Variants in CRYBG3 observed in about 807,000 individuals in gnomAD.
The protein encoded by CRYBG3 is very large A-kinase anchor protein.
A neutral mutation model predicts 244.2 loss-of-function variants in CRYBG3; 127 were observed. That is an observed-to-expected ratio of 0.52 (90% confidence interval 0.45 to 0.60). CRYBG3 has a LOEUF of 0.60. Ranked by LOEUF, CRYBG3 falls within the 20% of genes least tolerant of loss-of-function variation. CRYBG3 has a pLI of 0.00. For synonymous variants in CRYBG3, 1,132 were observed against 1,195.8 expected (o/e 0.95, Z 1.10); for missense variants, 3,325 against 3,442.5 (o/e 0.97, Z 0.85).
intron 1 of CRYBG3, among the ~76,000 whole-genome samples, chr3:97,827,112 C>T (rs2038588230): frequency 3.3e-5 from 5 of 152,182 alleles, no homozygotes; most frequent in Admixed American, 1.3e-4. Context: ...TCAGGCTTTG[C>T]AAGTCCTGGA....
chr3:97,861,177 A>G (rs2039141860), intron 2 of CRYBG3, among the ~76,000 whole-genome samples: 1 of 152,264 alleles, frequency 6.6e-6, no homozygotes. Flanking sequence ...TTCATCAGCC[A>G]TATCCCTGCC....
chr3:97,825,560 A>C (rs73850189), intron 1 of CRYBG3, among the ~76,000 whole-genome samples: 1 of 152,200 alleles, frequency 6.6e-6, no homozygotes, highest in Non-Finnish European at 1.5e-5. Flanking sequence ...GATGGATGCT[A>C]TGGGCGTTTT....
At position 97,877,806 on chromosome 3, in the gene CRYBG3, T is replaced by A. The variant is rs777186582; in HGVS notation, c.6612T>A (p.Thr2204=). Residue 2204 remains threonine, a synonymous_variant, in exon 4 of 22, where the codon ACT becomes ACA. Coordinates refer to ENST00000389622, the MANE Select transcript of CRYBG3 (RefSeq NM_153605.4). The part of the protein sequence containing the change: ...KNSYVMPNEP[T]TSNLQVGLWP... ...CATATGTGATGCCAAATGAACCTAC[T>A]ACCTCCAATCTGCAAGTTGGTCTGT... 1 of 1,614,062 alleles carries A rather than the reference T, an allele frequency of 6.2e-7. No homozygotes were observed. The highest frequency in any genetic ancestry group is 1.1e-5 in the South Asian group (1 of 91,072).
chr3:97,938,363 AC>A (rs1314841470), intron 19 of CRYBG3, among the ~76,000 whole-genome samples: 1 of 152,072 alleles, frequency 6.6e-6, no homozygotes, highest in African/African-American at 2.4e-5. Flanking sequence ...TAAGATCAGC[AC>A]TTAGAGAGTA....
intron 17 of CRYBG3, among the ~76,000 whole-genome samples, chr3:97,918,612 A>G (rs1463357800): frequency 6.6e-6 from 1 of 152,194 alleles, no homozygotes; most frequent in African/African-American, 2.4e-5. Flanking sequence ...GAATAATATC[A>G]TGTATTAGCT....
chr3:97,890,976 A>C (rs2039569193), intron 10 of CRYBG3, among the ~76,000 whole-genome samples: 1 of 152,194 alleles, frequency 6.6e-6, no homozygotes, highest in Non-Finnish European at 1.5e-5. Flanking sequence ...CCTCAATTTG[A>C]ATCAAATATC....
chr3:97,827,801 G>A (rs1056653015), intron 1 of CRYBG3, among the ~76,000 whole-genome samples: 4 of 152,050 alleles, frequency 2.6e-5, no homozygotes, highest in African/African-American at 7.2e-5. Flanking sequence ...TCACAATATT[G>A]GTAGTAGAGT....
rs2038507090 is a variant in CRYBG3, at chr3:97,822,076, G to A, written c.-131G>A. 5.6e-6 allele frequency: 4 copies of A among 713,562 alleles called. No homozygotes were observed. Among genetic ancestry groups the A allele is most frequent in the Non-Finnish European group, 8.0e-6 (4 of 500,346 alleles). 44.2% of individuals were successfully genotyped at this position (713,562 alleles called of 1,614,324 possible). On this transcript the variant is annotated 5_prime_UTR_variant, in exon 1 of 22. Coordinates refer to ENST00000389622, the MANE Select transcript of CRYBG3 (RefSeq NM_153605.4). Reference sequence around the variant, plus strand: ...ACTTCTCCTGCCCGAGAGAGACTGAGCCGCGCTGGCAGCTCGCGTCGAGTC... The same window carrying A: ...ACTTCTCCTGCCCGAGAGAGACTGAACCGCGCTGGCAGCTCGCGTCGAGTC...
rs756494630 is a variant in CRYBG3, at chr3:97,877,462, G to A, written c.6268G>A (p.Glu2090Lys). Residue 2090 changes from glutamate (E) to lysine (K), a missense_variant, in exon 4 of 22, where the codon GAG becomes AAG. Physicochemically the swap from Glu to Lys is moderately conservative, Grantham distance 56. Coordinates refer to ENST00000389622, the MANE Select transcript of CRYBG3 (RefSeq NM_153605.4). ...TCCTTTAGCATTGTCTCCCATTTAT[G>A]AGGATGACAGCTCACAGGAGGACAT... is the stretch of plus-strand genomic sequence containing the variant. ...IYPLALSPIY[E>K]DDSSQEDILS... 6.2e-7 allele frequency: 1 copy of A among 1,614,158 alleles called. No homozygotes were observed. The highest frequency in any genetic ancestry group is 1.1e-5 in the South Asian group (1 of 91,084).
chr3:97,833,760 C>T (rs946911723), intron 1 of CRYBG3, among the ~76,000 whole-genome samples: 6 of 151,978 alleles, frequency 3.9e-5, no homozygotes, highest in Admixed American at 2.6e-4. Flanking sequence ...AGAGGTTTTT[C>T]GCTGTCATAG....
rs2039596892 is a variant in CRYBG3 at position 97,892,888 on chromosome 3, A to C, written c.7469A>C (p.His2490Pro). 6.5e-7 allele frequency: 1 copy of C among 1,538,846 alleles called. No homozygotes were observed. The highest frequency in any genetic ancestry group is 1.4e-5 in the African/African-American group (1 of 71,952). Residue 2490 changes from histidine (H) to proline (P), a missense_variant, in exon 11 of 22, where the codon CAT becomes CCT. Physicochemically the swap from His to Pro is moderately conservative, Grantham distance 77. Coordinates refer to ENST00000389622, the MANE Select transcript of CRYBG3 (RefSeq NM_153605.4). ...KVIIYEKPHF[H>P]GQAKEFSEHI... The stretch of plus-strand genomic sequence containing the variant: ...ATTATTTATGAAAAACCTCACTTCC[A>C]TGGACAGGCTAAAGAGTTTAGTGAA...
Position 97,822,039 on chromosome 3 carries a change from C to T in CRYBG3, c.-168C>T, listed in dbSNP as rs1428120754. 5 of 462,370 alleles carry T rather than the reference C, an allele frequency of 1.1e-5. No individual in the cohort carries two copies. Among genetic ancestry groups the T allele is most frequent in the African/African-American group, 8.0e-5 (4 of 49,744 alleles). 28.6% of individuals were successfully genotyped at this position (462,370 alleles called of 1,614,324 possible). A position where few individuals can be genotyped will look rare whatever the true frequency, so the allele number is the denominator to read the frequency against. On this transcript the variant is annotated 5_prime_UTR_variant, in exon 1 of 22. Transcript: ENST00000389622. ...GTGAGGAGCTGCCGCGCGAGGAGCGCGTCGCGTCCGCACTTCTCCTGCCCG... is the reference window on the plus strand; with the variant it reads ...GTGAGGAGCTGCCGCGCGAGGAGCGTGTCGCGTCCGCACTTCTCCTGCCCG...
At chr3:97,878,147 A>G in intron 4 of CRYBG3, 110 bp downstream of exon 4, 1 of 988,608 alleles carries the variant, frequency 1.0e-6, no homozygotes. Context: ...ATGGTGGCTC[A>G]TGCCTGTAAT....
Position 97,822,238 on chromosome 3 carries a change from C to A in CRYBG3, c.32C>A (p.Pro11His). 6.5e-7 allele frequency: 1 copy of A among 1,530,716 alleles called. No homozygotes were observed. Among genetic ancestry groups the A allele is most frequent in the Non-Finnish European group, 8.7e-7 (1 of 1,144,802 alleles). The allele number at this position is 1,530,716 out of a possible 1,614,324, so 94.8% of individuals were successfully genotyped here. A position where few individuals can be genotyped will look rare whatever the true frequency, so the allele number is the denominator to read the frequency against. MSSGRRRGSA[P>H]WHSFSRFFAP... ...AGCGGCCGCAGAAGGGGCAGCGCCC[C>A]CTGGCACAGCTTCTCCCGGTTCTTC... The change falls in exon 1 of 22, where the codon CCC (proline) becomes CAC (histidine). Residue 11 changes from proline (P) to histidine (H), a missense_variant. By Grantham distance (77) the Pro-to-His change is moderately conservative (BLOSUM62 -2). Around this residue, in one of 4 missense-constraint regions of CRYBG3, gnomAD observed 1,526 missense variants for 1,443.2 expected, o/e 1.06. Coordinates refer to ENST00000389622, the MANE Select transcript of CRYBG3 (RefSeq NM_153605.4).
intron 1 of CRYBG3, among the ~76,000 whole-genome samples, chr3:97,824,129 A>C (rs1286057906): frequency 7.2e-5 from 11 of 152,186 alleles, no homozygotes; most frequent in Admixed American, 7.2e-4. Context: ...ATGAGCTTAA[A>C]TCTTTCATTT....
chr3:97,938,340 C>T (rs972132287), intron 19 of CRYBG3, among the ~76,000 whole-genome samples: 36 of 152,164 alleles, frequency 2.4e-4, no homozygotes, highest in African/African-American at 7.7e-4. Context: ...CCACACTCTA[C>T]TTTCCATCAG....
intron 2 of CRYBG3, among the ~76,000 whole-genome samples, chr3:97,859,968 T>C (rs956492360): frequency 6.6e-6 from 1 of 152,230 alleles, no homozygotes; most frequent in East Asian, 1.9e-4. Flanking sequence ...AGTCACTCCC[T>C]TTCCAACAAG....
intron 17 of CRYBG3, among the ~76,000 whole-genome samples, chr3:97,918,277 C>A (rs2039948336): frequency 6.6e-6 from 1 of 152,132 alleles, no homozygotes; most frequent in African/African-American, 2.4e-5. Flanking sequence ...TTGAAAATGA[C>A]AGTGTGCTCC....
intron 1 of CRYBG3, among the ~76,000 whole-genome samples, chr3:97,823,272 C>T (rs1488347580): frequency 1.3e-5 from 2 of 152,238 alleles, no homozygotes; most frequent in Non-Finnish European, 2.9e-5. Flanking sequence ...CGAGATTGCA[C>T]TAGAATGACC....
Sources: gnomAD v4.1 joint callset for allele counts (sites outside exome capture counted in the v4.1 genomes callset) on GRCh38, gnomAD v4.1.1 for gene constraint, gnomAD v4.1.1 regional missense constraint, MANE v1.5 for transcripts, NCBI Gene and HGNC (gene_info 2026-07-23, HGNC 2026-07-21) for gene names.